TEAD1: variants seen among roughly 807,000 people sequenced by gnomAD.
TEAD1 encodes transcriptional enhancer factor TEF-1.
A neutral mutation model predicts 54.9 loss-of-function variants in TEAD1; 9 were observed. The ratio of observed to expected loss-of-function variants is 0.16; its 90% CI spans 0.10 to 0.29. The LOEUF (loss-of-function observed/expected upper bound fraction) is 0.29. Ranked by LOEUF, TEAD1 falls within the 10% of genes least tolerant of loss-of-function variation. The probability of loss-of-function intolerance (pLI) is 1.00; values close to 1 mark genes in which losing one functional copy is unlikely to be tolerated. For missense variants in TEAD1, 387 were observed against 535.9 expected, an observed-to-expected ratio of 0.72 and a Z score of 2.74; for synonymous variants, 200 against 187.8, an observed-to-expected ratio of 1.07 and a Z score of -0.53.
intron 2 of TEAD1, among the ~76,000 whole-genome samples, chr11:12,711,533 A>G (rs1943939582): frequency 6.6e-6 from 1 of 152,140 alleles, no homozygotes; most frequent in Non-Finnish European, 1.5e-5. Context: ...CTGGCTGGTG[A>G]AGGCCTGAAG....
intron 9 of TEAD1, among the ~76,000 whole-genome samples, chr11:12,885,526 C>T (rs896644861): frequency 2.0e-5 from 3 of 151,992 alleles, no homozygotes; most frequent in Non-Finnish European, 2.9e-5. Flanking sequence ...CGTGAGGCAC[C>T]GCACCCGGGC....
chr11:12,927,043 C>T (rs4635063), intron 11 of TEAD1, among the ~76,000 whole-genome samples: 23,954 of 152,188 alleles, frequency 0.16, 2,175 homozygotes, highest in Admixed American at 0.22. Flanking sequence ...AACCAGACAG[C>T]TTACTCAATT....
chr11:12,834,291 G>C (rs1310917020), intron 3 of TEAD1, among the ~76,000 whole-genome samples: 1 of 152,200 alleles, frequency 6.6e-6, no homozygotes, highest in African/African-American at 2.4e-5. Flanking sequence ...TAAATCATTT[G>C]TCACATAGGA....
chr11:12,891,055 A>G (rs373813610), intron 9 of TEAD1, among the ~76,000 whole-genome samples: 4 of 152,220 alleles, frequency 2.6e-5, no homozygotes, highest in African/African-American at 9.6e-5. Flanking sequence ...GTGAACCACC[A>G]TGCACGGCCT....
At chr11:12,681,771 G>T (rs1022693756) in intron 2 of TEAD1, among the ~76,000 whole-genome samples, 1 of 152,248 alleles carries the variant, frequency 6.6e-6, no homozygotes, top group East Asian at 1.9e-4. Flanking sequence ...CCTGTCTCCC[G>T]CTGCCTGCGT....
At chr11:12,883,255 C>A in intron 9 of TEAD1, 130 bp downstream of exon 9, 2 of 1,442,148 alleles carry the variant, frequency 1.4e-6, no homozygotes, top group South Asian at 1.2e-5. Context: ...GAAAACGGGC[C>A]TAGGAAAGAA....
chr11:12,688,922 T>G (rs951324682), intron 2 of TEAD1, among the ~76,000 whole-genome samples: 12 of 152,260 alleles, frequency 7.9e-5, no homozygotes, highest in Non-Finnish European at 1.5e-5. Context: ...GGGGGTCATT[T>G]ATTTGCCTTT....
chr11:12,725,317 T>C (rs555884983), intron 2 of TEAD1, among the ~76,000 whole-genome samples: 1 of 152,316 alleles, frequency 6.6e-6, no homozygotes, highest in South Asian at 2.1e-4. Flanking sequence ...AATTTCTTTA[T>C]AACATTCATT....
chr11:12,884,989 T>C (rs1948057069), intron 9 of TEAD1, among the ~76,000 whole-genome samples: 1 of 152,204 alleles, frequency 6.6e-6, no homozygotes, highest in South Asian at 2.1e-4. Context: ...GACACTTTGT[T>C]GTTTACAGAG....
intron 2 of TEAD1, among the ~76,000 whole-genome samples, chr11:12,728,059 C>T (rs1021383323): frequency 6.6e-6 from 1 of 152,268 alleles, no homozygotes; most frequent in Non-Finnish European, 1.5e-5. Flanking sequence ...AGCCCCTGCC[C>T]TCAAGGTGCT....
chr11:12,803,788 T>C (rs1439951174), intron 3 of TEAD1, among the ~76,000 whole-genome samples: 2 of 152,208 alleles, frequency 1.3e-5, no homozygotes, highest in Non-Finnish European at 2.9e-5. Context: ...AACGAGGCCC[T>C]ATTAAGTATT....
At position 12,941,676 on chromosome 11, in the gene TEAD1, T is replaced by C. The variant is rs1212281727; in HGVS notation, c.*4454T>C. The C allele has an allele frequency of 6.6e-6, 1 of 152,650 alleles. No individual in the cohort carries two copies. Among genetic ancestry groups the C allele is most frequent in the Non-Finnish European group, 1.5e-5 (1 of 68,038 alleles). The allele number at this position is 152,650 out of a possible 1,614,324, so 9.5% of individuals were successfully genotyped here. On this transcript the variant is annotated 3_prime_UTR_variant, in exon 13 of 13. Coordinates refer to ENST00000527636, the MANE Select transcript of TEAD1 (RefSeq NM_021961.6). ...TATGTCTGCATTGCTTATTTCTTTA[T>C]GTTGGTGTTTCTGTGGCAAAGCCCT...
At chr11:12,936,914 T>C (rs528791267) in intron 12 of TEAD1, among the ~76,000 whole-genome samples, 195 bp from the exon 13 acceptor site, 11 of 152,330 alleles carry the variant, frequency 7.2e-5, no homozygotes, top group African/African-American at 1.7e-4. Context: ...TTCTTACTTA[T>C]GATAACCACG....
chr11:12,675,764 C>T (rs558949517), intron 2 of TEAD1, among the ~76,000 whole-genome samples: 1 of 152,178 alleles, frequency 6.6e-6, no homozygotes, highest in Non-Finnish European at 1.5e-5. Flanking sequence ...AAAATCAAAG[C>T]AATATTTTTA....
At chr11:12,791,027 G>A (rs1223559371) in intron 3 of TEAD1, among the ~76,000 whole-genome samples, 2 of 152,172 alleles carry the variant, frequency 1.3e-5, no homozygotes, top group Non-Finnish European at 2.9e-5. Context: ...ATATGTCCAC[G>A]CAAAGACTTG....
chr11:12,931,533 G>T (rs1287391708), intron 12 of TEAD1, among the ~76,000 whole-genome samples: 1 of 152,144 alleles, frequency 6.6e-6, no homozygotes, highest in African/African-American at 2.4e-5. Context: ...GTTCCATTGG[G>T]ACAGTGGCTT....
intron 5 of TEAD1, among the ~76,000 whole-genome samples, chr11:12,876,660 G>T (rs558092794): frequency 6.6e-6 from 1 of 152,198 alleles, no homozygotes; most frequent in Non-Finnish European, 1.5e-5. Flanking sequence ...CTGTGCTGAG[G>T]AAGGCACCTG....
intron 3 of TEAD1, among the ~76,000 whole-genome samples, chr11:12,788,850 G>A (rs572232675): frequency 2.0e-5 from 3 of 152,352 alleles, no homozygotes; most frequent in African/African-American, 7.2e-5. Flanking sequence ...TTAGACTAGA[G>A]ATTTTAGCTG....
intron 2 of TEAD1, among the ~76,000 whole-genome samples, chr11:12,762,128 C>T (rs1036643592): frequency 3.9e-5 from 6 of 152,274 alleles, no homozygotes; most frequent in East Asian, 1.9e-4. Flanking sequence ...TGTGGCTCCT[C>T]GGAGTAAATT....
Sources: gnomAD v4.1 joint callset for allele counts (sites outside exome capture counted in the v4.1 genomes callset) on GRCh38, gnomAD v4.1.1 for gene constraint, MANE v1.5 for transcripts, NCBI Gene and HGNC (gene_info 2026-07-23, HGNC 2026-07-21) for gene names.